Variants in CNTN4 observed in about 807,000 individuals in gnomAD.
CNTN4 encodes contactin-4.
CNTN4 carries 77 observed loss-of-function variants against 122.5 expected under a neutral mutation model. That is an observed-to-expected ratio of 0.63 (90% CI 0.52 to 0.76). The LOEUF is 0.76. Among genes scored for constraint, CNTN4 ranks in the 30% least tolerant of loss-of-function variants. The probability of loss-of-function intolerance (pLI) is 0.00; values close to 1 mark genes in which losing one functional copy is unlikely to be tolerated. For missense variants in CNTN4, 1,256 were observed against 1,259.1 expected, an observed-to-expected ratio of 1.00 and a Z score of 0.04; for synonymous variants, 512 against 447.0, an observed-to-expected ratio of 1.15 and a Z score of -1.83.
rs577091477 is a variant in CNTN4 at position 2,713,871 on chromosome 3, G to A, written c.56-22344G>A. ...CTGTCATTTAGGCATATTGCCTTGGGAAAGGAACTTAAGTGTTCACAAAGT... is the reference window on the plus strand; with the variant it reads ...CTGTCATTTAGGCATATTGCCTTGGAAAAGGAACTTAAGTGTTCACAAAGT... On this transcript the variant is annotated intron_variant, in intron 4 of 24. Transcript: ENST00000418658. Among the ~76,000 whole-genome samples the A allele has an allele frequency of 3.5e-4, 54 of 152,282 alleles. 1 individual carries two copies. The Middle Eastern group carries it at 0.014, about 38-fold the overall frequency.
chr3:2,187,877 A>C (rs1302136047), intron 2 of CNTN4, among the ~76,000 whole-genome samples: 1 of 152,118 alleles, frequency 6.6e-6, no homozygotes, highest in African/African-American at 2.4e-5. Context: ...GTGGCATGGT[A>C]AAAAGGCCAG....
At chr3:2,990,060 T>C (rs1191455266) in intron 14 of CNTN4, among the ~76,000 whole-genome samples, 2 of 152,210 alleles carry the variant, frequency 1.3e-5, no homozygotes, top group Non-Finnish European at 2.9e-5. Context: ...TGTGTGGGGA[T>C]AATAGCAGTG....
rs1454956433 is a variant in CNTN4 at position 2,514,112 on chromosome 3, A to T, written c.-88-57304A>T. ...AGAATTTTGTAAATTGGGATACAGC[A>T]GCAGAGAGTTAAATCTCCTTGCATT... On this transcript the variant is annotated intron_variant, in intron 3 of 24. Coordinates refer to ENST00000418658, the MANE Select transcript of CNTN4 (RefSeq NM_175607.3). Among the ~76,000 whole-genome samples, 3 of 152,176 alleles carry T rather than the reference A, an allele frequency of 2.0e-5. No individual in the cohort carries two copies. In the East Asian group the frequency reaches 5.8e-4, roughly 29 times the overall value.
At position 2,298,811 on chromosome 3, in the gene CNTN4, A is replaced by G. The variant is rs111252109; in HGVS notation, c.-144-40367A>G. Reference sequence around the variant, plus strand: ...TGGAATGAGTATTGTTTTAAAATTAACCTATTACCTGTATGGCCATGATAG... The same window carrying G: ...TGGAATGAGTATTGTTTTAAAATTAGCCTATTACCTGTATGGCCATGATAG... On this transcript the variant is annotated intron_variant, in intron 2 of 24. Coordinates refer to ENST00000418658, the MANE Select transcript of CNTN4 (RefSeq NM_175607.3). 6.1e-3 allele frequency among the ~76,000 whole-genome samples: 936 copies of G among 152,340 alleles called. 9 individuals are homozygous for G. The highest frequency in any genetic ancestry group is 0.021 in the African/African-American group (878 of 41,582).
At chr3:2,804,859 G>A (rs538789589) in intron 6 of CNTN4, among the ~76,000 whole-genome samples, 57 of 151,996 alleles carry the variant, frequency 3.8e-4, no homozygotes, top group Non-Finnish European at 7.5e-4. Context: ...CACCATGCCC[G>A]GCTATTTTAG....
intron 4 of CNTN4, among the ~76,000 whole-genome samples, chr3:2,659,460 C>CAAAAAAAAAAAAAAAAAAAAA (rs59025670): frequency 1.9e-5 from 1 of 53,972 alleles, no homozygotes; most frequent in Non-Finnish European, 3.8e-5. Flanking sequence ...GACTCCATCT[C>CAAAAAAAAAAAAAAAAAAAAA]AAAAAAAAAA....
In CNTN4 at chr3:2,665,616, TTTTG is replaced by T. The variant is rs2084114652; in HGVS notation, c.56-70593_56-70590del. On this transcript the variant is annotated intron_variant, in intron 4 of 24. Transcript: ENST00000418658. Reference sequence around the variant, plus strand: ...CTGGGTGAAAAAATTGGACATCTGTTTTTGTTTGTGATAGCAAATTCCCTATGGG... The same window carrying T: ...CTGGGTGAAAAAATTGGACATCTGTTTTTGTGATAGCAAATTCCCTATGGG... Among the ~76,000 whole-genome samples the T allele has an allele frequency of 2.6e-5, 4 of 152,246 alleles. No individual in the cohort carries two copies. In the South Asian group the frequency reaches 8.3e-4, roughly 32 times the overall value.
In CNTN4 at chr3:2,784,945, C is replaced by T. The variant is rs2091749757; in HGVS notation, c.359-34541C>T. On this transcript the variant is annotated intron_variant, in intron 6 of 24. Transcript: ENST00000418658. ...CTAATGAGTTCTTTCTTTTTGAGTA[C>T]TTGGATAATTATACTTGAGTAGTTC... Among the ~76,000 whole-genome samples the T allele has an allele frequency of 2.6e-5, 4 of 152,184 alleles. 1 individual carries two copies. In the South Asian group the frequency reaches 8.3e-4, roughly 32 times the overall value.
At chr3:2,340,725 A>AGAGAGGGGGG (rs2044176876) in intron 3 of CNTN4, among the ~76,000 whole-genome samples, 1 of 138,808 alleles carries the variant, frequency 7.2e-6, no homozygotes, top group Admixed American at 7.5e-5. Context: ...AGAGAGAGAG[A>AGAGAGGGGGG]GAGAGAGAGA....
chr3:2,926,069 C>G (rs1420549136), intron 13 of CNTN4, among the ~76,000 whole-genome samples: 1 of 152,196 alleles, frequency 6.6e-6, no homozygotes, highest in Non-Finnish European at 1.5e-5. Context: ...TTAATTTAAG[C>G]CTGAAATTTT....
At chr3:2,745,296 TA>T (rs1003634016) in intron 5 of CNTN4, among the ~76,000 whole-genome samples, 2 of 152,164 alleles carry the variant, frequency 1.3e-5, no homozygotes, top group Admixed American at 6.5e-5. Flanking sequence ...TTAATGATAT[TA>T]AAAAAATTTT....
chr3:2,494,075 G>C (rs545590348), intron 3 of CNTN4, among the ~76,000 whole-genome samples: 2 of 151,512 alleles, frequency 1.3e-5, no homozygotes, highest in African/African-American at 4.9e-5. Context: ...TTTTATTTGA[G>C]CTATTATTAT....
At chr3:2,668,825 G>T (rs2084327075) in intron 4 of CNTN4, among the ~76,000 whole-genome samples, 1 of 152,096 alleles carries the variant, frequency 6.6e-6, no homozygotes, top group African/African-American at 2.4e-5. Flanking sequence ...TTTGTCACAG[G>T]CCTTTTCTGC....
intron 2 of CNTN4, among the ~76,000 whole-genome samples, chr3:2,155,469 T>C (rs1021151572): frequency 2.0e-5 from 3 of 151,596 alleles, no homozygotes; most frequent in African/African-American, 7.3e-5. Flanking sequence ...TACAACAATC[T>C]ATGTATTACA....
chr3:3,038,447 G>GC (rs994156413), intron 18 of CNTN4, among the ~76,000 whole-genome samples: 14 of 152,014 alleles, frequency 9.2e-5, no homozygotes, highest in African/African-American at 3.4e-4. Context: ...ACTCCGGAAC[G>GC]CCCCCCGCTT....
At chr3:2,778,261 A>G (rs2091429564) in intron 6 of CNTN4, among the ~76,000 whole-genome samples, 1 of 82,036 alleles carries the variant, frequency 1.2e-5, no homozygotes. Context: ...AATAAAATAA[A>G]GAAATAACTG....
At chr3:2,659,181 A>C (rs762903658) in intron 4 of CNTN4, among the ~76,000 whole-genome samples, 11 of 151,900 alleles carry the variant, frequency 7.2e-5, no homozygotes, top group Admixed American at 6.6e-5. Flanking sequence ...AAATAGGAGC[A>C]GGCCAGGTGG....
intron 6 of CNTN4, among the ~76,000 whole-genome samples, chr3:2,746,040 A>G (rs547723389): frequency 5.9e-5 from 9 of 152,314 alleles, no homozygotes; most frequent in African/African-American, 2.2e-4. Flanking sequence ...ACCCACACAC[A>G]CACATTTTAA....
chr3:2,663,053 G>T (rs1045561065), intron 4 of CNTN4, among the ~76,000 whole-genome samples: 1 of 151,830 alleles, frequency 6.6e-6, no homozygotes, highest in Non-Finnish European at 1.5e-5. Context: ...AGTGAGCCGA[G>T]ATCACGCCAC....
Sources: gnomAD v4.1 joint callset for allele counts (sites outside exome capture counted in the v4.1 genomes callset) on GRCh38, gnomAD v4.1.1 for gene constraint, MANE v1.5 for transcripts, NCBI Gene and HGNC (gene_info 2026-07-23, HGNC 2026-07-21) for gene names.